NAALADL2: variants seen among roughly 807,000 people sequenced by gnomAD.
NAALADL2 encodes N-acetylated alpha-linked acidic dipeptidase like 2.
NAALADL2 carries 76 observed loss-of-function variants against 87.2 expected under a neutral mutation model. That is an observed-to-expected ratio of 0.87 (90% CI 0.72 to 1.05). The LOEUF is 1.05. Ranked by LOEUF, NAALADL2 falls within the 50% of genes least tolerant of loss-of-function variation. NAALADL2 has a pLI of 0.00. For missense variants in NAALADL2, 1,089 were observed against 945.8 expected, an observed-to-expected ratio of 1.15 and a Z score of -1.99; for synonymous variants, 354 against 331.0, an observed-to-expected ratio of 1.07 and a Z score of -0.75.
intron 3 of NAALADL2, among the ~76,000 whole-genome samples, chr3:174,784,153 C>G (rs1168896986): frequency 6.6e-6 from 1 of 152,060 alleles, no homozygotes; most frequent in African/African-American, 2.4e-5. Context: ...GTATTTTTTA[C>G]TTAGCTAGTT....
At chr3:175,681,322 A>T (rs907619692) in intron 11 of NAALADL2, among the ~76,000 whole-genome samples, 3 of 152,188 alleles carry the variant, frequency 2.0e-5, no homozygotes, top group Non-Finnish European at 2.9e-5. Flanking sequence ...TTTAAAGTCA[A>T]GTTCTTGCAT....
intron 9 of NAALADL2, among the ~76,000 whole-genome samples, chr3:175,545,926 A>C (rs1713233521): frequency 1.3e-5 from 2 of 152,164 alleles, no homozygotes; most frequent in Non-Finnish European, 2.9e-5. Flanking sequence ...CTGCAAGACA[A>C]AGTGATTTAT....
At chr3:175,382,859 A>G (rs571840544) in intron 5 of NAALADL2, among the ~76,000 whole-genome samples, 209 of 152,206 alleles carry the variant, frequency 1.4e-3, no homozygotes, top group African/African-American at 4.8e-3. Context: ...AATAAGAGGA[A>G]TGTACATTTG....
At chr3:174,718,437 A>G (rs1033786342) in intron 2 of NAALADL2, among the ~76,000 whole-genome samples, 4 of 152,230 alleles carry the variant, frequency 2.6e-5, no homozygotes, top group African/African-American at 4.8e-5. Context: ...TCTACAGGTC[A>G]GAGTTCATAC....
intron 5 of NAALADL2, among the ~76,000 whole-genome samples, chr3:175,333,000 C>A (rs539617686): frequency 6.6e-6 from 1 of 152,236 alleles, no homozygotes; most frequent in Admixed American, 6.5e-5. Context: ...TACTTTCATT[C>A]TATATGTGTC....
At chr3:175,202,048 TA>T (rs1329271326) in intron 2 of NAALADL2, among the ~76,000 whole-genome samples, 2 of 151,846 alleles carry the variant, frequency 1.3e-5, no homozygotes, top group Non-Finnish European at 2.9e-5. Flanking sequence ...CATTACTATT[TA>T]TTTTTTTTTT....
At chr3:175,684,604 G>A (rs1248422403) in intron 11 of NAALADL2, among the ~76,000 whole-genome samples, 1 of 152,034 alleles carries the variant, frequency 6.6e-6, no homozygotes, top group Non-Finnish European at 1.5e-5. Context: ...GACCAGCCTG[G>A]ACAACATAGT....
chr3:175,441,061 T>A (rs899017375), intron 5 of NAALADL2, among the ~76,000 whole-genome samples: 1 of 152,126 alleles, frequency 6.6e-6, no homozygotes, highest in African/African-American at 2.4e-5. Context: ...TTTCTTTTCA[T>A]TTTTCTTTTT....
At chr3:175,737,599 T>G (rs1035991195) in intron 12 of NAALADL2, among the ~76,000 whole-genome samples, 200 bp downstream of exon 12, 1 of 151,834 alleles carries the variant, frequency 6.6e-6, no homozygotes, top group African/African-American at 2.4e-5. Flanking sequence ...GTAAGCATAA[T>G]GGAGAATATC....
Position 174,778,637 on chromosome 3 carries a change from C to A in NAALADL2, c.-9+40891C>A, listed in dbSNP as rs576244613. On this transcript the variant is annotated intron_variant, in intron 3 of 3. Coordinates refer to the NAALADL2 transcript ENST00000434257. ...ATGCTATCCCTCTCCTAGACCCCCA[C>A]CCTGCAACAGGACCCCGTGTGTGAT... 2.6e-5 allele frequency among the ~76,000 whole-genome samples: 4 copies of A among 152,118 alleles called. No individual in the cohort carries two copies. In the South Asian group the frequency reaches 8.3e-4, roughly 32 times the overall value.
chr3:175,691,015 C>T (rs967195708), intron 11 of NAALADL2, among the ~76,000 whole-genome samples: 3 of 134,246 alleles, frequency 2.2e-5, no homozygotes, highest in Admixed American at 6.9e-5. Flanking sequence ...ATGAAATATA[C>T]CTTTATTACT....
intron 2 of NAALADL2, among the ~76,000 whole-genome samples, chr3:175,099,413 C>T (rs1193978306): frequency 6.6e-6 from 1 of 152,108 alleles, no homozygotes. Context: ...ATGAAGTAGC[C>T]ATATTTGTTT....
At position 175,063,565 on chromosome 3, in the gene NAALADL2, C is replaced by A. The variant is rs568703813; in HGVS notation, c.44-33225C>A. On this transcript the variant is annotated intron_variant, in intron 1 of 13. Coordinates refer to ENST00000454872, the MANE Select transcript of NAALADL2 (RefSeq NM_207015.3). Reference sequence around the variant, plus strand: ...CATCACAGCTCACTGCAGCCTCCACCTTCTGAGCCCAAGCAGTCCTCTTGC... The same window carrying A: ...CATCACAGCTCACTGCAGCCTCCACATTCTGAGCCCAAGCAGTCCTCTTGC... 2.0e-5 allele frequency among the ~76,000 whole-genome samples: 3 copies of A among 152,220 alleles called. No homozygotes were observed. In the South Asian group the frequency reaches 6.2e-4, roughly 32 times the overall value.
chr3:175,739,536 C>T (rs1744967859), intron 12 of NAALADL2, among the ~76,000 whole-genome samples: 1 of 152,172 alleles, frequency 6.6e-6, no homozygotes, highest in Non-Finnish European at 1.5e-5. Flanking sequence ...AGAACCCTTT[C>T]AACATCTGAA....
At position 174,899,816 on chromosome 3, in the gene NAALADL2, A is replaced by G. The variant is rs116690374; in HGVS notation, c.43+40366A>G. Among the ~76,000 whole-genome samples, 785 of 152,274 alleles carry G rather than the reference A, an allele frequency of 5.2e-3. 7 individuals carry two copies. Among genetic ancestry groups the G allele is most frequent in the African/African-American group, 0.018 (748 of 41,560 alleles). On this transcript the variant is annotated intron_variant, in intron 1 of 13. Coordinates refer to ENST00000454872, the MANE Select transcript of NAALADL2 (RefSeq NM_207015.3). ...CATATGCTTACACGGCCAGAAAAGAACAATAAAATCAGCAAAATGCAAAAT... is the reference window on the plus strand; with the variant it reads ...CATATGCTTACACGGCCAGAAAAGAGCAATAAAATCAGCAAAATGCAAAAT...
At chr3:174,819,797 GA>G (rs1370532029) in intron 3 of NAALADL2, among the ~76,000 whole-genome samples, 1 of 152,104 alleles carries the variant, frequency 6.6e-6, no homozygotes, top group Non-Finnish European at 1.5e-5. Flanking sequence ...GACATACTGA[GA>G]AATTAATAAA....
At chr3:175,513,644 ATC>A (rs1248164299) in intron 9 of NAALADL2, among the ~76,000 whole-genome samples, 1 of 152,208 alleles carries the variant, frequency 6.6e-6, no homozygotes, top group African/African-American at 2.4e-5. Flanking sequence ...TACATAAAAG[ATC>A]TTTTATTTGT....
intron 11 of NAALADL2, among the ~76,000 whole-genome samples, chr3:175,684,089 A>T (rs562238972): frequency 6.6e-6 from 1 of 152,178 alleles, no homozygotes; most frequent in East Asian, 1.9e-4. Context: ...GTACTTTTGT[A>T]AAGGAGATGC....
At chr3:175,613,910 T>C (rs1279735262) in intron 10 of NAALADL2, among the ~76,000 whole-genome samples, 1 of 152,208 alleles carries the variant, frequency 6.6e-6, no homozygotes, top group Admixed American at 6.5e-5. Flanking sequence ...TAATCTCCCA[T>C]ACATTAGGAT....
Sources: gnomAD v4.1 joint callset for allele counts (sites outside exome capture counted in the v4.1 genomes callset) on GRCh38, gnomAD v4.1.1 for gene constraint, MANE v1.5 for transcripts, NCBI Gene and HGNC (gene_info 2026-07-23, HGNC 2026-07-21) for gene names.